The following DOCK1 variants were observed in gnomAD, a reference collection of about 807,000 sequenced individuals.
DOCK1 encodes dedicator of cytokinesis 1.
Under a neutral mutation model 262.7 loss-of-function variants are expected in DOCK1, and 138 were observed. That is an observed-to-expected ratio of 0.53 (90% CI 0.46 to 0.61). DOCK1 has a LOEUF of 0.61. Among genes scored for constraint, DOCK1 ranks in the 20% least tolerant of loss-of-function variants. The probability of loss-of-function intolerance (pLI) is 0.00; values close to 1 mark genes in which losing one functional copy is unlikely to be tolerated. For missense variants in DOCK1, 1,908 were observed against 2,370.7 expected (o/e 0.80, Z 4.05); for synonymous variants, 866 against 867.4 (o/e 1.00, Z 0.03).
chr10:127,106,414 C>A, intron 24 of DOCK1, 113 bp downstream of exon 24: 1 of 1,093,162 alleles, frequency 9.1e-7, no homozygotes, highest in Non-Finnish European at 1.3e-6. Context: ...TATGTCAGTG[C>A]CCTGGATCAT....
At chr10:127,279,753 A>G (rs1050911826) in intron 29 of DOCK1, among the ~76,000 whole-genome samples, 1 of 152,122 alleles carries the variant, frequency 6.6e-6, no homozygotes, top group Admixed American at 6.5e-5. Flanking sequence ...CTGTTGGGAA[A>G]AGGTGGCAGT....
At chr10:127,273,880 A>G (rs2060653286) in intron 29 of DOCK1, among the ~76,000 whole-genome samples, 1 of 92,392 alleles carries the variant, frequency 1.1e-5, no homozygotes, top group Admixed American at 9.6e-5. Context: ...GACTGTCTCA[A>G]AAAAAAAAAA....
At chr10:127,296,177 C>G (rs1444224156) in intron 29 of DOCK1, among the ~76,000 whole-genome samples, 3 of 152,238 alleles carry the variant, frequency 2.0e-5, no homozygotes, top group Non-Finnish European at 2.9e-5. Flanking sequence ...CTATACCTGA[C>G]TGTGCCGCAT....
intron 29 of DOCK1, among the ~76,000 whole-genome samples, chr10:127,313,183 C>T (rs1429239910): frequency 6.6e-6 from 1 of 152,170 alleles, no homozygotes; most frequent in South Asian, 2.1e-4. Flanking sequence ...GCACCAGACC[C>T]TCGTCTTCCT....
At chr10:126,944,406 G>A (rs2035240120) in intron 1 of DOCK1, among the ~76,000 whole-genome samples, 1 of 152,104 alleles carries the variant, frequency 6.6e-6, no homozygotes, top group Non-Finnish European at 1.5e-5. Flanking sequence ...AACCTTGCAA[G>A]CGGACCTGCC....
intron 1 of DOCK1, among the ~76,000 whole-genome samples, chr10:126,956,195 C>A (rs975130508): frequency 6.6e-6 from 1 of 152,218 alleles, no homozygotes; most frequent in Non-Finnish European, 1.5e-5. Context: ...GCCTGTGCCT[C>A]AGAAGAGCTC....
chr10:126,910,999 C>T (rs2031679440), intron 1 of DOCK1, among the ~76,000 whole-genome samples: 1 of 152,188 alleles, frequency 6.6e-6, no homozygotes, highest in Admixed American at 6.5e-5. Flanking sequence ...AATACAGCTG[C>T]TGTCAACAAG....
intron 22 of DOCK1, among the ~76,000 whole-genome samples, chr10:127,053,655 T>G (rs1418542570): frequency 6.6e-6 from 1 of 152,198 alleles, no homozygotes; most frequent in Non-Finnish European, 1.5e-5. Flanking sequence ...GTAAAGATGG[T>G]GAATTATATA....
intron 44 of DOCK1, among the ~76,000 whole-genome samples, chr10:127,416,615 C>A (rs946644591): frequency 1.1e-4 from 17 of 152,310 alleles, no homozygotes; most frequent in Admixed American, 7.2e-4. Flanking sequence ...GCTACCAAAC[C>A]CTGATGCCCT....
intron 47 of DOCK1, 91 bp downstream of exon 47, chr10:127,426,102 C>G (rs1463973965): frequency 6.4e-7 from 1 of 1,572,244 alleles, no homozygotes; most frequent in Non-Finnish European, 8.7e-7. Flanking sequence ...CAGAGGAACT[C>G]ACATGTACAC....
At chr10:127,320,987 T>C (rs1232622011) in intron 29 of DOCK1, among the ~76,000 whole-genome samples, 2 of 152,038 alleles carry the variant, frequency 1.3e-5, no homozygotes, top group Non-Finnish European at 2.9e-5. Context: ...CAGCCTTCAC[T>C]CACTCTTCAT....
chr10:127,242,043 A>G (rs971130364), intron 27 of DOCK1, among the ~76,000 whole-genome samples: 2 of 152,122 alleles, frequency 1.3e-5, no homozygotes, highest in African/African-American at 4.8e-5. Flanking sequence ...TTCCTGTTAA[A>G]TGTCACCACG....
chr10:127,377,789 G>A (rs2065587945), intron 35 of DOCK1, among the ~76,000 whole-genome samples: 1 of 151,766 alleles, frequency 6.6e-6, no homozygotes, highest in Non-Finnish European at 1.5e-5. Flanking sequence ...GTACTCGGGA[G>A]GCTGAGGCAA....
At chr10:126,915,430 C>CG (rs111810265) in intron 1 of DOCK1, among the ~76,000 whole-genome samples, 12,130 of 119,956 alleles carry the variant, frequency 0.1, 556 homozygotes, top group Middle Eastern at 0.16. Context: ...TTTTTGGGGG[C>CG]GGGGGGGGGA....
chr10:127,061,521 T>C (rs1366966675), intron 22 of DOCK1, 147 bp from the exon 23 acceptor site: 1 of 708,336 alleles, frequency 1.4e-6, no homozygotes, highest in African/African-American at 1.8e-5. Flanking sequence ...CACTGCCAAG[T>C]TACCTTCCTT....
chr10:127,414,898 C>G (rs72843704), intron 43 of DOCK1, among the ~76,000 whole-genome samples: 13,891 of 152,200 alleles, frequency 0.091, 791 homozygotes, highest in East Asian at 0.2. Context: ...CTTTCATTGT[C>G]AAATACCAGA....
At chr10:127,207,251 G>A (rs1278238640) in intron 27 of DOCK1, among the ~76,000 whole-genome samples, 5 of 152,142 alleles carry the variant, frequency 3.3e-5, no homozygotes, top group African/African-American at 9.7e-5. Context: ...TAAAATCTCC[G>A]TGAAACTGGG....
intron 23 of DOCK1, among the ~76,000 whole-genome samples, chr10:127,093,249 T>TC (rs60427425): frequency 6.2e-5 from 8 of 129,272 alleles, no homozygotes; most frequent in South Asian, 2.5e-4. Flanking sequence ...CTTCTTTTTT[T>TC]TTTTTTTTTT....
chr10:126,959,295 G>A (rs980903027), intron 1 of DOCK1, among the ~76,000 whole-genome samples: 9,003 of 152,206 alleles, frequency 0.059, 308 homozygotes, highest in African/African-American at 0.078. Flanking sequence ...ACAGATACAA[G>A]TTTTCCCCCA....
Sources: gnomAD v4.1 joint callset for allele counts (sites outside exome capture counted in the v4.1 genomes callset) on GRCh38, gnomAD v4.1.1 for gene constraint, MANE v1.5 for transcripts, NCBI Gene and HGNC (gene_info 2026-07-23, HGNC 2026-07-21) for gene names.